ASTN1: variants seen among roughly 807,000 people sequenced by gnomAD.
The protein encoded by ASTN1 is astrotactin 1, also known as astrotactin-1.
ASTN1 carries 41 observed loss-of-function variants against 140.7 expected under a neutral mutation model. The ratio of observed to expected loss-of-function variants is 0.29; its 90% CI spans 0.23 to 0.38. The LOEUF is 0.38. ASTN1 is among the 10% of genes least tolerant of loss of function. The probability of loss-of-function intolerance (pLI) is 1.00; values close to 1 mark genes in which losing one functional copy is unlikely to be tolerated. For missense variants in ASTN1, 1,479 were observed against 1,678.8 expected (o/e 0.88, Z 2.08); for synonymous variants, 640 against 652.2 (o/e 0.98, Z 0.29).
chr1:176,907,102 C>T (rs1280417824), intron 16 of ASTN1, among the ~76,000 whole-genome samples: 1 of 152,158 alleles, frequency 6.6e-6, no homozygotes, highest in African/African-American at 2.4e-5. Flanking sequence ...TTCCTTTTAA[C>T]AGGCAAATGT....
intron 4 of ASTN1, 22 bp from the exon 5 acceptor site, chr1:177,029,763 C>T: frequency 1.9e-6 from 3 of 1,593,880 alleles, no homozygotes; most frequent in Non-Finnish European, 2.6e-6. Context: ...GCAGCATGGT[C>T]AAGAAAGCGT....
At chr1:176,880,811 C>A (rs1668763144) in intron 20 of ASTN1, among the ~76,000 whole-genome samples, 1 of 152,156 alleles carries the variant, frequency 6.6e-6, no homozygotes, top group Non-Finnish European at 1.5e-5. Context: ...CCCGAAGCAA[C>A]TAGCTGTGTG....
At chr1:177,077,753 C>T (rs1251023438) in intron 1 of ASTN1, among the ~76,000 whole-genome samples, 1 of 152,186 alleles carries the variant, frequency 6.6e-6, no homozygotes, top group African/African-American at 2.4e-5. Flanking sequence ...ACTGCCCTCT[C>T]TGGGGTAAGC....
At chr1:176,935,798 A>G (rs1300554465) in intron 15 of ASTN1, among the ~76,000 whole-genome samples, 1 of 145,194 alleles carries the variant, frequency 6.9e-6, no homozygotes. Flanking sequence ...TCAATCTCTC[A>G]GTCTCTTTAT....
intron 2 of ASTN1, among the ~76,000 whole-genome samples, chr1:177,043,259 A>G (rs1677061312): frequency 6.6e-6 from 1 of 152,230 alleles, no homozygotes; most frequent in Non-Finnish European, 1.5e-5. Flanking sequence ...TAAGAAGAAC[A>G]ATAAACATTT....
At chr1:176,916,493 G>A (rs1026628551) in intron 16 of ASTN1, among the ~76,000 whole-genome samples, 4 of 152,110 alleles carry the variant, frequency 2.6e-5, no homozygotes, top group African/African-American at 9.7e-5. Flanking sequence ...ATTGAGGGGG[G>A]TCCCCGCAGA....
At position 176,888,222 on chromosome 1, in the gene ASTN1, G is replaced by A; in HGVS notation, c.2941-18C>T. 2.5e-6 allele frequency: 4 copies of A among 1,613,206 alleles called. No homozygotes were observed. The highest frequency in any genetic ancestry group is 1.7e-4 in the Middle Eastern group (1 of 5,838). ...TGCAAGAGCTGCATAAGAGAACAGG[G>A]AAAAGATTGAGTGTTGAGAAGCCAG... On this transcript the variant is annotated intron_variant, in intron 17 of 22. Coordinates refer to ENST00000361833, the MANE Select transcript of ASTN1 (RefSeq NM_004319.3).
intron 16 of ASTN1, among the ~76,000 whole-genome samples, chr1:176,898,599 G>C (rs1331621609): frequency 4.6e-5 from 7 of 152,240 alleles, no homozygotes; most frequent in Non-Finnish European, 8.8e-5. Context: ...TCTGTGGTAA[G>C]TGAGAGTCGT....
rs563126749 is a variant in ASTN1 at position 177,144,276 on chromosome 1, G to A, written c.283+20118C>T. 2.2e-3 allele frequency among the ~76,000 whole-genome samples: 306 copies of A among 141,812 alleles called. 3 individuals carry two copies. The highest frequency in any genetic ancestry group is 7.8e-3 in the African/African-American group (299 of 38,114). 93.0% of individuals were successfully genotyped at this position (141,812 alleles called of 152,430 possible). On this transcript the variant is annotated intron_variant, in intron 1 of 22. Coordinates refer to ENST00000361833, the MANE Select transcript of ASTN1 (RefSeq NM_004319.3). ...TGATTTTTTTTTTTTTTTCTGAGAC[G>A]AAGTCTTGCTCTATCGCCCAGGCTG... is the stretch of plus-strand genomic sequence containing the variant.
At chr1:177,045,132 G>A (rs531618627) in intron 2 of ASTN1, among the ~76,000 whole-genome samples, 48 of 152,094 alleles carry the variant, frequency 3.2e-4, no homozygotes, top group Admixed American at 2.8e-3. Flanking sequence ...TCCTGAAACC[G>A]ACTTTGATTA....
rs755122527 is a variant in ASTN1, at chr1:177,023,463, A to G, written c.1379T>C (p.Met460Thr). 2 of 1,611,068 alleles carry G rather than the reference A, an allele frequency of 1.2e-6. No homozygotes were observed. The highest frequency in any genetic ancestry group is 1.7e-6 in the Non-Finnish European group (2 of 1,178,746). ...SQQNSSGPWA[M>T]DLCARRLLDP... ...CAGGAGCCGCCGGGCACAGAGGTCCATGGCCCAGGGTCCGCTGGAGTTCTG... is the reference window on the plus strand; with the variant it reads ...CAGGAGCCGCCGGGCACAGAGGTCCGTGGCCCAGGGTCCGCTGGAGTTCTG... The change falls in exon 7 of 23, where the codon ATG becomes ACG. Residue 460 changes from methionine (M) to threonine (T), a missense_variant. Coordinates refer to ENST00000361833, the MANE Select transcript of ASTN1 (RefSeq NM_004319.3).
Position 177,123,846 on chromosome 1 carries a change from A to T in ASTN1, c.283+40548T>A, listed in dbSNP as rs910451704. Among the ~76,000 whole-genome samples, 7 of 152,238 alleles carry T rather than the reference A, an allele frequency of 4.6e-5. No individual in the cohort carries two copies. In the South Asian group the frequency reaches 1.4e-3, roughly 32 times the overall value. On this transcript the variant is annotated intron_variant, in intron 1 of 22. Coordinates refer to ENST00000361833, the MANE Select transcript of ASTN1 (RefSeq NM_004319.3). ...AGGCCTCAGGATCGATTTGTGAGCT[A>T]ACCCCAGGCAGGAAGCCGAATTCAG...
chr1:176,897,143 C>T (rs528499184), intron 16 of ASTN1, among the ~76,000 whole-genome samples: 6 of 151,920 alleles, frequency 3.9e-5, no homozygotes, highest in South Asian at 4.2e-4. Flanking sequence ...GGCATGGTGG[C>T]GCACGCCTGT....
At chr1:176,935,239 C>T (rs1213137238) in intron 15 of ASTN1, among the ~76,000 whole-genome samples, 1 of 152,234 alleles carries the variant, frequency 6.6e-6, no homozygotes, top group African/African-American at 2.4e-5. Flanking sequence ...CTGAGATCCA[C>T]ATCACAGCGA....
At chr1:177,054,346 T>TGAC (rs1346106626) in intron 2 of ASTN1, among the ~76,000 whole-genome samples, 1 of 152,236 alleles carries the variant, frequency 6.6e-6, no homozygotes, top group Non-Finnish European at 1.5e-5. Flanking sequence ...ATGATGATGA[T>TGAC]GACAATGATG....
Position 176,949,184 on chromosome 1 carries a change from C to T in ASTN1, c.2054+1G>A. 1 of 1,613,694 alleles carries T rather than the reference C, an allele frequency of 6.2e-7. No individual in the cohort carries two copies. The highest frequency in any genetic ancestry group is 8.5e-7 in the Non-Finnish European group (1 of 1,179,928). ...GTGGCCTCGCTGGCAGCTCAACTCA[C>T]CCACAGAACATGAGGATGTTATACA... On this transcript the variant is annotated splice_donor_variant, in intron 12 of 22. Coordinates refer to ENST00000361833, the MANE Select transcript of ASTN1 (RefSeq NM_004319.3). LOFTEE classifies it high-confidence loss of function.
At chr1:177,131,244 G>A (rs942285654) in intron 1 of ASTN1, among the ~76,000 whole-genome samples, 1 of 152,184 alleles carries the variant, frequency 6.6e-6, no homozygotes, top group Non-Finnish European at 1.5e-5. Context: ...CCTTTTGACA[G>A]AGTGTGTAAT....
intron 11 of ASTN1, among the ~76,000 whole-genome samples, chr1:176,952,380 G>T (rs905332724): frequency 1.3e-5 from 2 of 151,698 alleles, no homozygotes; most frequent in South Asian, 4.2e-4. Flanking sequence ...CCAGAGTGAC[G>T]ACCTTGATGG....
chr1:177,007,483 C>G lies in ASTN1; in HGVS notation c.1523+7308G>C, dbSNP rs982647994. On this transcript the variant is annotated intron_variant, in intron 8 of 22. Transcript: ENST00000361833. ...TCTTATTTTCATTGGAAAAAGTTAA[C>G]TGATAAAAGGATGCCTTCTCGAGGC... Among the ~76,000 whole-genome samples the G allele has an allele frequency of 1.2e-4, 19 of 152,202 alleles. 1 individual carries two copies.
Sources: gnomAD v4.1 joint callset for allele counts (sites outside exome capture counted in the v4.1 genomes callset) on GRCh38, gnomAD v4.1.1 for gene constraint, MANE v1.5 for transcripts, NCBI Gene and HGNC (gene_info 2026-07-23, HGNC 2026-07-21) for gene names.